SUGCT: variants seen among roughly 807,000 people sequenced by gnomAD.
SUGCT encodes the protein succinyl-CoA:glutarate-CoA transferase.
In SUGCT, 41 loss-of-function variants were observed where a neutral mutation model predicts 55.0. The ratio of observed to expected loss-of-function variants is 0.74; its 90% CI spans 0.58 to 0.97. The LOEUF is 0.97. SUGCT is among the 50% of genes least tolerant of loss of function. SUGCT has a pLI of 0.00. For missense variants in SUGCT, 568 were observed against 547.8 expected (o/e 1.04, Z -0.37); for synonymous variants, 187 against 200.4 (o/e 0.93, Z 0.56).
the SUGCT span, among the ~76,000 whole-genome samples, chr7:40,957,991 C>T: frequency 3.9e-5 from 6 of 151,968 alleles, no homozygotes; most frequent in Non-Finnish European, 8.8e-5. Context: ...CATTTTGGCC[C>T]CCACTCTTCT....
At chr7:40,726,302 G>A (rs530690846) in intron 12 of SUGCT, among the ~76,000 whole-genome samples, 8 of 151,952 alleles carry the variant, frequency 5.3e-5, no homozygotes, top group Non-Finnish European at 1.0e-4. Flanking sequence ...TTAATATAAA[G>A]TAAGCTAGAG....
chr7:40,415,069 T>C (rs1269348146), intron 9 of SUGCT, among the ~76,000 whole-genome samples: 2 of 121,636 alleles, frequency 1.6e-5, no homozygotes, highest in African/African-American at 6.3e-5. Context: ...AAAATCTATC[T>C]ATCTATCTAT....
intron 9 of SUGCT, among the ~76,000 whole-genome samples, chr7:40,363,753 T>C (rs1280124203): frequency 6.6e-6 from 1 of 152,138 alleles, no homozygotes; most frequent in Non-Finnish European, 1.5e-5. Flanking sequence ...AATTTTGGAA[T>C]AGGTGTGGTG....
At chr7:40,772,261 G>A (rs181213217) in intron 13 of SUGCT, among the ~76,000 whole-genome samples, 1 of 152,132 alleles carries the variant, frequency 6.6e-6, no homozygotes, top group Admixed American at 6.5e-5. Context: ...GTTACCACCT[G>A]CTGAATATCA....
chr7:40,353,961 G>A (rs934139564), intron 9 of SUGCT, among the ~76,000 whole-genome samples: 1 of 152,146 alleles, frequency 6.6e-6, no homozygotes, highest in Non-Finnish European at 1.5e-5. Context: ...TAAAGAAAAA[G>A]TGCAACATTG....
At position 40,316,632 on chromosome 7, in the gene SUGCT, A is replaced by T. The variant is rs1795445818; in HGVS notation, c.721-128A>T. 4 of 577,510 alleles carry T rather than the reference A, an allele frequency of 6.9e-6. No homozygotes were observed. The East Asian group carries it at 1.2e-4, about 17-fold the overall frequency. The allele number at this position is 577,510 out of a possible 1,614,324, so 35.8% of individuals were successfully genotyped here. ...AAGTACAATGCCTGTATATTTTCTA[A>T]CTTGATGGACAGGTTTTTTTCTTCT... On this transcript the variant is annotated intron_variant, in intron 8 of 13. Transcript: ENST00000335693.
chr7:40,682,479 G>T (rs546873012), intron 12 of SUGCT, among the ~76,000 whole-genome samples: 6 of 152,276 alleles, frequency 3.9e-5, no homozygotes, highest in African/African-American at 1.4e-4. Context: ...AGTATTGTGG[G>T]ACTGAGCTTT....
At chr7:40,456,372 T>G (rs1296301541) in intron 10 of SUGCT, among the ~76,000 whole-genome samples, 1 of 152,172 alleles carries the variant, frequency 6.6e-6, no homozygotes, top group Non-Finnish European at 1.5e-5. Context: ...GGTATATGCA[T>G]AGAATAATGT....
chr7:40,308,033 T>C (rs1418672642), intron 8 of SUGCT, among the ~76,000 whole-genome samples: 1 of 152,210 alleles, frequency 6.6e-6, no homozygotes, highest in Non-Finnish European at 1.5e-5. Context: ...AGATATTTTG[T>C]AGTTAGTAAA....
downstream of SUGCT, among the ~76,000 whole-genome samples, chr7:40,865,646 A>C (rs1300911736): frequency 1.3e-5 from 2 of 152,172 alleles, no homozygotes; most frequent in Non-Finnish European, 2.9e-5. Context: ...GTGGTTACAG[A>C]GGAAGTTCCA....
chr7:40,639,849 T>C (rs769944621), intron 12 of SUGCT, among the ~76,000 whole-genome samples: 34 of 152,158 alleles, frequency 2.2e-4, no homozygotes, highest in Non-Finnish European at 4.3e-4. Flanking sequence ...AAACTCACTG[T>C]CTGTAAAGGA....
chr7:40,811,337 A>T (rs2128757838), intron 13 of SUGCT, among the ~76,000 whole-genome samples: 1 of 152,256 alleles, frequency 6.6e-6, no homozygotes, highest in African/African-American at 2.4e-5. Flanking sequence ...ATGGCATTGA[A>T]TATGTAGATT....
At chr7:40,976,691 T>A in the SUGCT span, among the ~76,000 whole-genome samples, 1 of 152,312 alleles carries the variant, frequency 6.6e-6, no homozygotes, top group Non-Finnish European at 1.5e-5. Flanking sequence ...ATGGAATATG[T>A]CTTCTGGAAT....
intron 12 of SUGCT, among the ~76,000 whole-genome samples, chr7:40,662,640 A>T (rs897805742): frequency 1.3e-5 from 2 of 152,172 alleles, no homozygotes; most frequent in Non-Finnish European, 2.9e-5. Context: ...GTTGTGTGGC[A>T]TTCTCCTCCT....
chr7:40,833,552 G>T (rs1176522392), intron 13 of SUGCT, among the ~76,000 whole-genome samples: 1 of 152,202 alleles, frequency 6.6e-6, no homozygotes, highest in African/African-American at 2.4e-5. Flanking sequence ...TTGAAGTCAT[G>T]TACACAAACC....
intron 13 of SUGCT, chr7:40,808,522 A>G (rs1422278377): frequency 6.6e-6 from 1 of 152,220 alleles, no homozygotes; most frequent in Non-Finnish European, 1.5e-5. Context: ...ACTCTTCTGC[A>G]GTTTCACAAA....
Position 40,139,147 on chromosome 7 carries a change from T to TC in SUGCT, c.100+4027_100+4028insC, listed in dbSNP as rs1187745113. On this transcript the variant is annotated intron_variant, in intron 1 of 13. Coordinates refer to ENST00000335693, the MANE Select transcript of SUGCT (RefSeq NM_001193313.2). ...GCTCAAAAATAAATAAATAAATAAA[T>TC]AAATAAATAAATAAATAAATAAATA... Among the ~76,000 whole-genome samples the TC allele has an allele frequency of 1.7e-3, 251 of 150,030 alleles. 2 individuals are homozygous for TC. Among genetic ancestry groups the TC allele is most frequent in the African/African-American group, 5.9e-3 (241 of 40,660 alleles).
At chr7:40,983,943 CA>C in the SUGCT span, among the ~76,000 whole-genome samples, 1 of 152,182 alleles carries the variant, frequency 6.6e-6, no homozygotes, top group South Asian at 2.1e-4. Flanking sequence ...GGAGAGCTCC[CA>C]GAAACATCAG....
chr7:40,828,780 C>T (rs1792496440), intron 13 of SUGCT, among the ~76,000 whole-genome samples: 1 of 152,122 alleles, frequency 6.6e-6, no homozygotes, highest in South Asian at 2.1e-4. Flanking sequence ...AGACCACCTC[C>T]AGCGGCGCCA....
Sources: allele counts gnomAD v4.1 joint callset (sites outside exome capture counted in the v4.1 genomes callset), GRCh38; gene constraint gnomAD v4.1.1; transcripts MANE v1.5; gene names NCBI Gene and HGNC (gene_info 2026-07-23, HGNC 2026-07-21).